USP4: variants seen among roughly 807,000 people sequenced by gnomAD.
The protein encoded by USP4 is ubiquitin specific peptidase 4.
A neutral mutation model predicts 118.2 loss-of-function variants in USP4; 72 were observed. The ratio of observed to expected loss-of-function variants is 0.61; its 90% CI spans 0.50 to 0.74. The LOEUF (loss-of-function observed/expected upper bound fraction) is 0.74. Among genes scored for constraint, USP4 ranks in the 30% least tolerant of loss-of-function variants. USP4 has a pLI of 0.00. For missense variants in USP4, 1,037 were observed against 1,185.7 expected (o/e 0.87, Z 1.84); for synonymous variants, 415 against 440.4 (o/e 0.94, Z 0.72).
At chr3:49,304,295 A>G (rs1350312557) in intron 9 of USP4, among the ~76,000 whole-genome samples, 2 of 152,066 alleles carry the variant, frequency 1.3e-5, no homozygotes, top group African/African-American at 4.8e-5. Flanking sequence ...GGTACAGGCT[A>G]AATAGGATCT....
chr3:49,292,485 G>A (rs751256213), intron 15 of USP4, 25 bp downstream of exon 15: 25 of 1,475,178 alleles, frequency 1.7e-5, no homozygotes, highest in Non-Finnish European at 2.2e-5. Flanking sequence ...GTCAGTCACA[G>A]CCACAGAGCA....
intron 15 of USP4, 119 bp from the exon 16 acceptor site, chr3:49,286,444 A>G (rs192382010): frequency 8.0e-6 from 8 of 1,001,906 alleles, no homozygotes; most frequent in Non-Finnish European, 1.2e-5. Flanking sequence ...ATATGAAGTT[A>G]AATCTATTCC....
Position 49,277,271 on chromosome 3 carries a change from A to C in USP4, c.*1022T>G, listed in dbSNP as rs982309039. 5.2e-5 allele frequency: 67 copies of C among 1,280,494 alleles called. 1 individual carries two copies. In the South Asian group the frequency reaches 6.6e-4, roughly 13 times the overall value. 79.3% of individuals were successfully genotyped at this position (1,280,494 alleles called of 1,614,324 possible). A position where few individuals can be genotyped will look rare whatever the true frequency, so the allele number is the denominator to read the frequency against. ...CCCAAACCCCCACGGATTAGGTTGAAGGTCAGACAAAAAATCCCGGACCCA... is the reference window on the plus strand; with the variant it reads ...CCCAAACCCCCACGGATTAGGTTGACGGTCAGACAAAAAATCCCGGACCCA... On this transcript the variant is annotated 3_prime_UTR_variant, in exon 22 of 22. Transcript: ENST00000265560.
At chr3:49,328,493 C>T (rs1349539030) in intron 2 of USP4, among the ~76,000 whole-genome samples, 1 of 152,236 alleles carries the variant, frequency 6.6e-6, no homozygotes, top group East Asian at 1.9e-4. Flanking sequence ...ACATAGATTC[C>T]ATCTCAAGAA....
At position 49,321,954 on chromosome 3, in the gene USP4, A is replaced by G. The variant is rs2047507387; in HGVS notation, c.695+2748T>C. On this transcript the variant is annotated intron_variant, in intron 6 of 21. Coordinates refer to ENST00000265560, the MANE Select transcript of USP4 (RefSeq NM_003363.4). Reference sequence around the variant, plus strand: ...GGTTACAGTGAACCGAGATCATGCCACTGGACTCCAGCCTGGGCTACAGAT... The same window carrying G: ...GGTTACAGTGAACCGAGATCATGCCGCTGGACTCCAGCCTGGGCTACAGAT... 2.0e-5 allele frequency among the ~76,000 whole-genome samples: 3 copies of G among 152,266 alleles called. No individual in the cohort carries two copies. In the South Asian group the frequency reaches 6.2e-4, roughly 32 times the overall value.
At chr3:49,299,130 C>T (rs896929773) in intron 11 of USP4, among the ~76,000 whole-genome samples, 4 of 151,954 alleles carry the variant, frequency 2.6e-5, no homozygotes, top group Admixed American at 6.6e-5. Context: ...TGCTCTGTCA[C>T]ACAAGCTGGA....
intron 2 of USP4, among the ~76,000 whole-genome samples, chr3:49,334,572 C>T (rs1191645308): frequency 6.6e-6 from 1 of 152,084 alleles, no homozygotes; most frequent in Non-Finnish European, 1.5e-5. Flanking sequence ...ATAGCAAGAC[C>T]CCGTCTCTAC....
chr3:49,337,108 T>C (rs2047675729), intron 1 of USP4, among the ~76,000 whole-genome samples: 1 of 151,800 alleles, frequency 6.6e-6, no homozygotes, highest in South Asian at 2.1e-4. Context: ...ACAAACCCCA[T>C]CTCTACTAAA....
chr3:49,310,867 C>T, intron 7 of USP4, 130 bp from the exon 8 acceptor site: 1 of 682,928 alleles, frequency 1.5e-6, no homozygotes, highest in South Asian at 1.8e-5. Flanking sequence ...ATTCCCTCTA[C>T]TCCCTCCCCT....
At position 49,277,916 on chromosome 3, in the gene USP4, T is replaced by G. The variant is rs956543809; in HGVS notation, c.*377A>C. 3.6e-5 allele frequency: 14 copies of G among 392,174 alleles called. No homozygotes were observed. Among genetic ancestry groups the G allele is most frequent in the Non-Finnish European group, 5.8e-5 (13 of 223,080 alleles). The allele number at this position is 392,174 out of a possible 1,614,324, so 24.3% of individuals were successfully genotyped here. A position where few individuals can be genotyped will look rare whatever the true frequency, so the allele number is the denominator to read the frequency against. On this transcript the variant is annotated 3_prime_UTR_variant, in exon 22 of 22. Coordinates refer to ENST00000265560, the MANE Select transcript of USP4 (RefSeq NM_003363.4). ...CTAGTATTGGCATCAGAACCAGAAA[T>G]CCAGGCGCTCAGGGCAGCCCTGCAG...
chr3:49,308,818 G>A (rs542630869), intron 8 of USP4, among the ~76,000 whole-genome samples: 3 of 151,308 alleles, frequency 2.0e-5, no homozygotes, highest in African/African-American at 7.3e-5. Context: ...ACCTGAGGCC[G>A]GGAGTTTGAG....
chr3:49,321,690 T>C (rs1169726028), intron 6 of USP4, among the ~76,000 whole-genome samples: 1 of 152,104 alleles, frequency 6.6e-6, no homozygotes, highest in Non-Finnish European at 1.5e-5. Context: ...CCACCGCACC[T>C]GGCCTATTAT....
intron 9 of USP4, among the ~76,000 whole-genome samples, chr3:49,304,755 T>TTTGTTG (rs770247467): frequency 2.0e-5 from 3 of 150,776 alleles, no homozygotes; most frequent in Admixed American, 6.6e-5. Context: ...TCCAGCTAAT[T>TTTGTTG]TTGTTGTTGT....
intron 6 of USP4, among the ~76,000 whole-genome samples, chr3:49,315,464 G>A (rs2047425571): frequency 6.6e-6 from 1 of 152,144 alleles, no homozygotes; most frequent in African/African-American, 2.4e-5. Flanking sequence ...AGACCTTCAG[G>A]CAACTGTGGA....
intron 13 of USP4, among the ~76,000 whole-genome samples, chr3:49,295,726 A>G (rs954302155): frequency 2.0e-5 from 3 of 150,264 alleles, no homozygotes; most frequent in African/African-American, 7.5e-5. Flanking sequence ...ACACACACAC[A>G]CACACACACC....
chr3:49,285,748 T>C (rs2047084859), intron 16 of USP4, among the ~76,000 whole-genome samples: 1 of 152,134 alleles, frequency 6.6e-6, no homozygotes, highest in African/African-American at 2.4e-5. Context: ...TCGTGAGTAT[T>C]AATGAACAAA....
chr3:49,291,433 G>A (rs1481749513), intron 15 of USP4, among the ~76,000 whole-genome samples: 1 of 151,428 alleles, frequency 6.6e-6, no homozygotes, highest in Non-Finnish European at 1.5e-5. Flanking sequence ...AAATTAGCCA[G>A]GCATGGTGGC....
chr3:49,316,341 G>T (rs551324176), intron 6 of USP4, among the ~76,000 whole-genome samples: 6 of 152,168 alleles, frequency 3.9e-5, no homozygotes, highest in Non-Finnish European at 5.9e-5. Context: ...AGGCTGGAGT[G>T]CAGTGGTCCA....
chr3:49,312,145 G>A (rs1311738743), intron 6 of USP4: 1 of 207,264 alleles, frequency 4.8e-6, no homozygotes, highest in Non-Finnish European at 1.0e-5. Flanking sequence ...CCAACATGGA[G>A]AAACCCCGTC....
Sources: allele counts gnomAD v4.1 joint callset (sites outside exome capture counted in the v4.1 genomes callset), GRCh38; gene constraint gnomAD v4.1.1; transcripts MANE v1.5; gene names NCBI Gene and HGNC (gene_info 2026-07-23, HGNC 2026-07-21).